ZNF268: variants seen among roughly 807,000 people sequenced by gnomAD.
ZNF268 encodes the protein zinc finger protein 268, also known as zinc finger protein 3.
Under a neutral mutation model 29.3 loss-of-function variants are expected in ZNF268, and 20 were observed. The ratio of observed to expected loss-of-function variants is 0.68; its 90% CI spans 0.48 to 0.99. The LOEUF is 0.99. Among genes scored for constraint, ZNF268 ranks in the 50% least tolerant of loss-of-function variants. The pLI is 0.00. For synonymous variants in ZNF268, 429 were observed against 376.9 expected (o/e 1.14, Z -1.60); for missense variants, 1,240 against 1,121.6 (o/e 1.11, Z -1.51).
At chr12:133,184,791 C>A in intron 2 of ZNF268, 1 of 423,692 alleles carries the variant, frequency 2.4e-6, no homozygotes. Flanking sequence ...TAATTGGCCC[C>A]ACCTCTTAAT....
chr12:133,201,081 A>T (rs1257420754), intron 5 of ZNF268, among the ~76,000 whole-genome samples: 1 of 151,914 alleles, frequency 6.6e-6, no homozygotes, highest in African/African-American at 2.4e-5. Context: ...GTATACAGTG[A>T]TTTATTTTTG....
rs983618989 is a variant in ZNF268 at position 133,188,022 on chromosome 12, C to T, written c.184C>T (p.Leu62=). 24 of 1,595,560 alleles carry T rather than the reference C, an allele frequency of 1.5e-5. No homozygotes were observed. The highest frequency in any genetic ancestry group is 2.7e-5 in the African/African-American group (2 of 74,614). ...GAAGAGTCGCAGAATAGAGAAAGTCCTAGAGTGGCTGTTTATTTCCCAAGA... is the reference window on the plus strand; with the variant it reads ...GAAGAGTCGCAGAATAGAGAAAGTCTTAGAGTGGCTGTTTATTTCCCAAGA... ...KQKSRRIEKV[L]EWLFISQEQP... The change falls in exon 3 of 6, where the codon CTA becomes TTA. Residue 62 remains leucine, a synonymous_variant. Coordinates refer to ENST00000536435, the MANE Select transcript of ZNF268 (RefSeq NM_003415.3).
chr12:133,211,208 TA>T lies in ZNF268; in HGVS notation c.*6688del, dbSNP rs1555305584. The stretch of plus-strand genomic sequence containing the variant: ...TGAAAAAGTGTTTGTATGCAAAATA[TA>T]AAAAAAAAACCCTAAAATTGAACAA... On this transcript the variant is annotated 3_prime_UTR_variant, in exon 6 of 6. Coordinates refer to ENST00000536435, the MANE Select transcript of ZNF268 (RefSeq NM_003415.3). The T allele has an allele frequency of 1.4e-4, 39 of 275,542 alleles. No homozygotes were observed. Among genetic ancestry groups the T allele is most frequent in the Non-Finnish European group, 2.1e-4 (30 of 144,428 alleles). 17.1% of individuals were successfully genotyped at this position (275,542 alleles called of 1,614,324 possible).
Position 133,204,051 on chromosome 12 carries a change from T to G in ZNF268, c.2365T>G (p.Phe789Val). 6.4e-7 allele frequency: 1 copy of G among 1,565,712 alleles called. No individual in the cohort carries two copies. Among genetic ancestry groups the G allele is most frequent in the Non-Finnish European group, 8.6e-7 (1 of 1,158,558 alleles). ...TGGGTGCAGTGAATGTGGGAAAGCT[T>G]TTAGCAGCAAGTCATACCTAATTAT... ...PYGCSECGKAFSSKSYLIIHM... is the reference protein window; with the variant it reads ...PYGCSECGKAVSSKSYLIIHM... Residue 789 changes from phenylalanine to valine, a missense_variant, in exon 6 of 6, where the codon TTT becomes GTT. By Grantham distance (50) the Phe-to-Val change is conservative (BLOSUM62 -1). This residue lies in a region of ZNF268 where 1,177 missense variants were observed against 1,039.6 expected (regional missense o/e 1.13). Transcript: ENST00000536435.
chr12:133,191,546 C>T lies in ZNF268; in HGVS notation c.292C>T (p.Leu98=). The change falls in exon 4 of 6, where the codon CTA becomes TTA. Residue 98 remains leucine (L), a synonymous_variant. Transcript: ENST00000536435. ...TTTTACCTGGGAGGAGTGGCAGCTG[C>T]TAGACCCAGCACAGAAGTGCCTGTA... The part of the protein sequence containing the change: ...VDFTWEEWQL[L]DPAQKCLYRS... The T allele has an allele frequency of 1.2e-6, 2 of 1,613,968 alleles. No individual in the cohort carries two copies. Among genetic ancestry groups the T allele is most frequent in the Non-Finnish European group, 1.7e-6 (2 of 1,179,930 alleles).
At chr12:133,193,510 G>T (rs61960671) in intron 5 of ZNF268, 1 of 695,952 alleles carries the variant, frequency 1.4e-6, no homozygotes, top group Non-Finnish European at 2.6e-6. Context: ...CCAAGATGAC[G>T]CCTTGTTGCT....
At chr12:133,189,009 T>G (rs1041035618) in intron 3 of ZNF268, among the ~76,000 whole-genome samples, 4 of 152,266 alleles carry the variant, frequency 2.6e-5, no homozygotes, top group South Asian at 2.1e-4. Context: ...TTTATTACTT[T>G]ACCTTTCACT....
Position 133,204,093 on chromosome 12 carries a change from T to G in ZNF268, c.2407T>G (p.Ser803Ala), listed in dbSNP as rs1212223051. The change falls in exon 6 of 6, where the codon TCA becomes GCA. Residue 803 changes from serine (S) to alanine (A), a missense_variant. Ser to Ala is a moderately conservative substitution (Grantham distance 99). Transcript: ENST00000536435. ...SYLIIHMRTH[S>A]GEKPYECNEC... Reference sequence around the variant, plus strand: ...CCTAATTATACACATGAGAACTCATTCAGGTGAAAAACCATATGAATGTAA... The same window carrying G: ...CCTAATTATACACATGAGAACTCATGCAGGTGAAAAACCATATGAATGTAA... The G allele has an allele frequency of 6.5e-7, 1 of 1,547,846 alleles. No individual in the cohort carries two copies. Among genetic ancestry groups the G allele is most frequent in the South Asian group, 1.2e-5 (1 of 84,424 alleles).
chr12:133,212,531 A>G lies in ZNF268; in HGVS notation c.*8001A>G. On this transcript the variant is annotated 3_prime_UTR_variant, in exon 6 of 6. Coordinates refer to ENST00000536435, the MANE Select transcript of ZNF268 (RefSeq NM_003415.3). ...TACACACACACATACACACATATAT[A>G]CACATATATATACACATATACACAT... The G allele has an allele frequency of 7.0e-6, 1 of 142,702 alleles. No homozygotes were observed. The highest frequency in any genetic ancestry group is 2.2e-4 in the East Asian group (1 of 4,500). The allele number at this position is 142,702 out of a possible 1,614,324, so 8.8% of individuals were successfully genotyped here. A position where few individuals can be genotyped will look rare whatever the true frequency, so the allele number is the denominator to read the frequency against.
At chr12:133,200,286 C>T (rs1256729040) in intron 5 of ZNF268, among the ~76,000 whole-genome samples, 2 of 152,134 alleles carry the variant, frequency 1.3e-5, no homozygotes, top group Admixed American at 1.3e-4. Context: ...TCGTTATGTA[C>T]CCCATAGTCA....
Position 133,204,691 on chromosome 12 carries a change from T to A in ZNF268, c.*161T>A. On this transcript the variant is annotated 3_prime_UTR_variant, in exon 6 of 6. Coordinates refer to ENST00000536435, the MANE Select transcript of ZNF268 (RefSeq NM_003415.3). The stretch of plus-strand genomic sequence containing the variant: ...ATATGGAAAGGCATCCACAGAAAGC[T>A]GTTCTTTACATGCAAAAAGATAGTA... 1 of 550,988 alleles carries A rather than the reference T, an allele frequency of 1.8e-6. No individual in the cohort carries two copies. The highest frequency in any genetic ancestry group is 3.0e-6 in the Non-Finnish European group (1 of 328,392). 34.1% of individuals were successfully genotyped at this position (550,988 alleles called of 1,614,324 possible). A position where few individuals can be genotyped will look rare whatever the true frequency, so the allele number is the denominator to read the frequency against.
intron 5 of ZNF268, among the ~76,000 whole-genome samples, chr12:133,196,981 C>A (rs532375849): frequency 1.3e-5 from 2 of 150,396 alleles, no homozygotes; most frequent in African/African-American, 4.9e-5. Context: ...AATATTAATA[C>A]CTTTAATAAA....
intron 2 of ZNF268, among the ~76,000 whole-genome samples, chr12:133,183,846 A>G (rs188285149): frequency 2.6e-4 from 39 of 152,336 alleles, no homozygotes; most frequent in Admixed American, 1.8e-3. Context: ...GAAGACTGAG[A>G]TGGAACCCAA....
intron 3 of ZNF268, among the ~76,000 whole-genome samples, chr12:133,190,160 T>C (rs1593887487): frequency 6.6e-6 from 1 of 152,382 alleles, no homozygotes; most frequent in Non-Finnish European, 1.5e-5. Flanking sequence ...CCAAGGAATA[T>C]GTCCTTTTCA....
intron 5 of ZNF268, chr12:133,193,666 A>C (rs1303394279): frequency 1.1e-5 from 5 of 435,278 alleles, no homozygotes; most frequent in Admixed American, 4.1e-5. Flanking sequence ...AATGGGGAGT[A>C]AGTTTCAACA....
At chr12:133,188,361 G>T (rs1344524138) in intron 3 of ZNF268, among the ~76,000 whole-genome samples, 4 of 151,900 alleles carry the variant, frequency 2.6e-5, no homozygotes, top group Non-Finnish European at 5.9e-5. Context: ...ATGCCTGGCT[G>T]ATGTTTTTTA....
rs1201500605 is a variant in ZNF268 at position 133,204,680 on chromosome 12, C to T, written c.*150C>T. 1 of 575,020 alleles carries T rather than the reference C, an allele frequency of 1.7e-6. No homozygotes were observed. The highest frequency in any genetic ancestry group is 1.9e-5 in the African/African-American group (1 of 52,430). The allele number at this position is 575,020 out of a possible 1,614,324, so 35.6% of individuals were successfully genotyped here. A position where few individuals can be genotyped will look rare whatever the true frequency, so the allele number is the denominator to read the frequency against. ...GAATGCACAGCATATGGAAAGGCAT[C>T]CACAGAAAGCTGTTCTTTACATGCA... is the stretch of plus-strand genomic sequence containing the variant. On this transcript the variant is annotated 3_prime_UTR_variant, in exon 6 of 6. Coordinates refer to ENST00000536435, the MANE Select transcript of ZNF268 (RefSeq NM_003415.3).
At chr12:133,198,845 T>C (rs1388728232) in intron 5 of ZNF268, among the ~76,000 whole-genome samples, 2 of 149,146 alleles carry the variant, frequency 1.3e-5, no homozygotes, top group Non-Finnish European at 3.0e-5. Flanking sequence ...TTGTCTGTTA[T>C]TGGTGTATAA....
At position 133,213,722 on chromosome 12, in the gene ZNF268, G is replaced by A. The variant is rs144009283; in HGVS notation, c.*9192G>A. The A allele has an allele frequency of 0.037, 5,625 of 151,374 alleles. 159 individuals are homozygous for A. Among genetic ancestry groups the A allele is most frequent in the South Asian group, 0.11 (531 of 4,766 alleles). 9.4% of individuals were successfully genotyped at this position (151,374 alleles called of 1,614,324 possible). On this transcript the variant is annotated 3_prime_UTR_variant, in exon 6 of 6. Transcript: ENST00000536435. ...CCATCTCAAAAAAAAAAAAAAGGCC[G>A]GGTGTGGTGGCTCACGCCTGTAATC...
Sources: allele counts gnomAD v4.1 joint callset (sites outside exome capture counted in the v4.1 genomes callset), GRCh38; gene constraint gnomAD v4.1.1; regional missense constraint gnomAD v4.1.1; transcripts MANE v1.5; gene names NCBI Gene and HGNC (gene_info 2026-07-23, HGNC 2026-07-21).